The following OPCML variants were observed in gnomAD, a reference collection of about 807,000 sequenced individuals.
OPCML encodes the protein opioid binding protein/cell adhesion molecule like, also known as opioid-binding protein/cell adhesion molecule.
In OPCML, 13 loss-of-function variants were observed where a neutral mutation model predicts 37.8. The ratio of observed to expected loss-of-function variants is 0.34; its 90% CI spans 0.22 to 0.55. The LOEUF (loss-of-function observed/expected upper bound fraction) is 0.55, where lower values mean the gene tolerates loss of function less well. Ranked by LOEUF, OPCML falls within the 20% of genes least tolerant of loss-of-function variation. The pLI is 0.91. For synonymous variants in OPCML, 176 were observed against 168.8 expected, an observed-to-expected ratio of 1.04 and a Z score of -0.33; for missense variants, 341 against 435.6, an observed-to-expected ratio of 0.78 and a Z score of 1.93.
intron 4 of OPCML, among the ~76,000 whole-genome samples, chr11:132,467,665 C>A (rs2096123957): frequency 6.6e-6 from 1 of 152,118 alleles, no homozygotes; most frequent in African/African-American, 2.4e-5. Context: ...ATACTGAGTG[C>A]GGAAATGAAC....
At chr11:132,863,813 C>T (rs1232781968) in intron 2 of OPCML, among the ~76,000 whole-genome samples, 3 of 152,224 alleles carry the variant, frequency 2.0e-5, no homozygotes, top group Non-Finnish European at 2.9e-5. Flanking sequence ...AGTCTGTTAG[C>T]ATTAGATCAT....
At chr11:133,240,364 T>G (rs1264562148) in intron 1 of OPCML, among the ~76,000 whole-genome samples, 1 of 152,176 alleles carries the variant, frequency 6.6e-6, no homozygotes, top group Non-Finnish European at 1.5e-5. Context: ...TCCCCAAGAC[T>G]CAATTGCTTT....
At chr11:133,144,559 G>T (rs537504921) in intron 1 of OPCML, among the ~76,000 whole-genome samples, 1 of 152,166 alleles carries the variant, frequency 6.6e-6, no homozygotes. Flanking sequence ...CTGTGCTTTC[G>T]GCACATGGGA....
At chr11:132,893,386 C>A (rs540180083) in intron 2 of OPCML, among the ~76,000 whole-genome samples, 1 of 152,240 alleles carries the variant, frequency 6.6e-6, no homozygotes, top group African/African-American at 2.4e-5. Context: ...TGCCCCACCC[C>A]GGTGCAGCCC....
intron 1 of OPCML, among the ~76,000 whole-genome samples, chr11:133,140,558 G>A (rs1471720540): frequency 7.4e-6 from 1 of 135,694 alleles, no homozygotes; most frequent in African/African-American, 3.0e-5. Flanking sequence ...AGAAGAAGAA[G>A]AAGAAGAAGA....
At chr11:133,433,727 ACT>A (rs1457474649) in intron 1 of OPCML, among the ~76,000 whole-genome samples, 1 of 151,816 alleles carries the variant, frequency 6.6e-6, no homozygotes, top group Non-Finnish European at 1.5e-5. Flanking sequence ...AGGTAGTCCC[ACT>A]CTCTCCTTCT....
At position 133,141,012 on chromosome 11, in the gene OPCML, C is replaced by CGAAGACGAA. The variant is rs1491407560; in HGVS notation, c.62-198003_62-198002insTTCGTCTTC. ...AAGAAGAAGAAGACGACGACGACGA[C>CGAAGACGAA]GACGACGACGACGACGACGACGACG... On this transcript the variant is annotated intron_variant, in intron 1 of 7. Transcript: ENST00000524381. 1.0e-3 allele frequency among the ~76,000 whole-genome samples: 7 copies of CGAAGACGAA among 6,936 alleles called. 2 individuals are homozygous for CGAAGACGAA. The highest frequency in any genetic ancestry group is 2.2e-3 in the African/African-American group (7 of 3,136). 4.6% of individuals were successfully genotyped at this position (6,936 alleles called of 152,430 possible).
chr11:132,694,232 C>A, intron 2 of OPCML, among the ~76,000 whole-genome samples: 1 of 108,670 alleles, frequency 9.2e-6, no homozygotes, highest in Admixed American at 1.4e-4. Context: ...CGGAATCTTC[C>A]TCTATCATCA....
chr11:132,891,879 G>T (rs1050419948), intron 2 of OPCML, among the ~76,000 whole-genome samples: 1 of 151,374 alleles, frequency 6.6e-6, no homozygotes, highest in Non-Finnish European at 1.5e-5. Context: ...TCTTCATCCC[G>T]CCCATCCTCT....
rs577409547 is a variant in OPCML, at chr11:132,632,365, G to A, written c.379+24722C>T. Among the ~76,000 whole-genome samples, 5 of 149,654 alleles carry A rather than the reference G, an allele frequency of 3.3e-5. No homozygotes were observed. In the South Asian group the frequency reaches 6.3e-4, roughly 19 times the overall value. On this transcript the variant is annotated intron_variant, in intron 3 of 7. Transcript: ENST00000524381. Reference sequence around the variant, plus strand: ...TGATTTAAAAGGTTCCTTTGCATTCGTTCCTTAACTCATTACACCTTCACA... The same window carrying A: ...TGATTTAAAAGGTTCCTTTGCATTCATTCCTTAACTCATTACACCTTCACA...
At chr11:133,031,467 T>G (rs934777166) in intron 1 of OPCML, among the ~76,000 whole-genome samples, 1 of 142,094 alleles carries the variant, frequency 7.0e-6, no homozygotes, top group African/African-American at 2.6e-5. Flanking sequence ...GGATGGTTGG[T>G]TGGATGGGTA....
intron 1 of OPCML, among the ~76,000 whole-genome samples, chr11:133,144,230 T>C (rs1468223396): frequency 6.6e-6 from 1 of 152,166 alleles, no homozygotes; most frequent in Non-Finnish European, 1.5e-5. Context: ...CAGGGCTGGT[T>C]CCCAGGGATT....
chr11:132,514,928 C>G (rs1458783972), intron 4 of OPCML, among the ~76,000 whole-genome samples: 1 of 152,114 alleles, frequency 6.6e-6, no homozygotes. Flanking sequence ...GGGAGACAAA[C>G]CCTTTCACCA....
At chr11:132,807,241 G>T (rs1215759809) in intron 2 of OPCML, among the ~76,000 whole-genome samples, 1 of 151,906 alleles carries the variant, frequency 6.6e-6, no homozygotes, top group Non-Finnish European at 1.5e-5. Flanking sequence ...GGTTTTTTTG[G>T]AAATACGAAT....
intron 4 of OPCML, among the ~76,000 whole-genome samples, chr11:132,466,932 A>G (rs1450041585): frequency 6.6e-6 from 1 of 152,238 alleles, no homozygotes; most frequent in Non-Finnish European, 1.5e-5. Context: ...TGAAAAAAGA[A>G]GGAAAGAAAA....
intron 2 of OPCML, among the ~76,000 whole-genome samples, chr11:132,677,265 G>T (rs376436565): frequency 1.3e-5 from 2 of 152,068 alleles, no homozygotes; most frequent in East Asian, 1.9e-4. Flanking sequence ...ACTAAATGAA[G>T]AGGTGTTCCA....
In OPCML at chr11:133,415,205, T is replaced by G. The variant is rs1388708037; in HGVS notation, c.61+117059A>C. ...CGGGCGGATCACGAGGTCAGGAGAT[T>G]GAGACCATCCAGACTAACATGGTGA... is the stretch of plus-strand genomic sequence containing the variant. On this transcript the variant is annotated intron_variant, in intron 1 of 7. Coordinates refer to ENST00000524381, the MANE Select transcript of OPCML (RefSeq NM_001012393.5). Among the ~76,000 whole-genome samples the G allele has an allele frequency of 2.0e-5, 3 of 151,958 alleles. No individual in the cohort carries two copies. The East Asian group carries it at 5.8e-4, about 29-fold the overall frequency.
intron 2 of OPCML, among the ~76,000 whole-genome samples, chr11:132,674,976 C>G (rs1432561530): frequency 2.0e-5 from 3 of 152,106 alleles, no homozygotes; most frequent in African/African-American, 7.2e-5. Context: ...GTTTTTAAAT[C>G]AGCTACTATT....
intron 2 of OPCML, among the ~76,000 whole-genome samples, chr11:132,872,308 T>C (rs1419168071): frequency 6.6e-6 from 1 of 152,224 alleles, no homozygotes; most frequent in Non-Finnish European, 1.5e-5. Flanking sequence ...CCATTAAATC[T>C]GCCTCCTGAA....
Sources: allele counts gnomAD v4.1 joint callset (sites outside exome capture counted in the v4.1 genomes callset), GRCh38; gene constraint gnomAD v4.1.1; transcripts MANE v1.5; gene names NCBI Gene and HGNC (gene_info 2026-07-23, HGNC 2026-07-21).